Variants in FAP observed in about 807,000 individuals in gnomAD.
FAP encodes the protein fibroblast activation protein alpha, also known as prolyl endopeptidase FAP.
Under a neutral mutation model 126.5 loss-of-function variants are expected in FAP, and 110 were observed. That is an observed-to-expected ratio of 0.87 (90% CI 0.74 to 1.02). FAP has a LOEUF of 1.02. FAP is among the 50% of genes least tolerant of loss of function. The pLI is 0.00. For synonymous variants in FAP, 334 were observed against 297.3 expected (o/e 1.12, Z -1.27); for missense variants, 919 against 909.2 (o/e 1.01, Z -0.14).
At chr2:162,239,947 C>A (rs930227190) in intron 2 of FAP, among the ~76,000 whole-genome samples, 1 of 152,146 alleles carries the variant, frequency 6.6e-6, no homozygotes, top group Non-Finnish European at 1.5e-5. Context: ...GCTTTTGTAA[C>A]CTCTGTTAAA....
At chr2:162,181,438 T>C (rs576496734) in intron 21 of FAP, among the ~76,000 whole-genome samples, 8 of 152,290 alleles carry the variant, frequency 5.3e-5, no homozygotes, top group Admixed American at 4.6e-4. Context: ...TTCCTCAAGA[T>C]ACTTTAGACT....
At chr2:162,203,740 C>T (rs1168308939) in intron 12 of FAP, among the ~76,000 whole-genome samples, 2 of 152,120 alleles carry the variant, frequency 1.3e-5, no homozygotes, top group African/African-American at 4.8e-5. Context: ...CCTCAATGCC[C>T]TGGTTTGACC....
intron 9 of FAP, among the ~76,000 whole-genome samples, chr2:162,217,336 T>A (rs1334988716): frequency 1.3e-5 from 2 of 152,224 alleles, no homozygotes; most frequent in Admixed American, 1.3e-4. Context: ...TTTTCTGATA[T>A]CATTTTTACA....
At chr2:162,225,025 C>T (rs1332797622) in intron 4 of FAP, among the ~76,000 whole-genome samples, 1 of 152,094 alleles carries the variant, frequency 6.6e-6, no homozygotes, top group African/African-American at 2.4e-5. Flanking sequence ...ACTTATTAAG[C>T]ACTTATTCTA....
intron 20 of FAP, among the ~76,000 whole-genome samples, chr2:162,184,508 G>A (rs1404688931): frequency 1.3e-5 from 2 of 152,220 alleles, no homozygotes; most frequent in African/African-American, 2.4e-5. Context: ...CAACATGCAC[G>A]TTTCCGATGC....
At chr2:162,188,841 G>C (rs1687942701) in intron 19 of FAP, among the ~76,000 whole-genome samples, 3 of 151,950 alleles carry the variant, frequency 2.0e-5, no homozygotes, top group Admixed American at 2.0e-4. Context: ...CTATCTCAAA[G>C]GTATTCTGAC....
intron 2 of FAP, among the ~76,000 whole-genome samples, chr2:162,228,097 C>T (rs1689732327): frequency 6.6e-6 from 1 of 152,084 alleles, no homozygotes; most frequent in East Asian, 1.9e-4. Context: ...ATAGCACATC[C>T]CAAGTGTCTA....
In FAP at chr2:162,237,846, C is replaced by T. The variant is rs912776032; in HGVS notation, c.91+5062G>A. ...AAAAGCATTCCTATTTCTCCACATC[C>T]TCTCCAGCATCTGTTGTTTCCTAAC... is the stretch of plus-strand genomic sequence containing the variant. On this transcript the variant is annotated intron_variant, in intron 2 of 25. Coordinates refer to ENST00000188790, the MANE Select transcript of FAP (RefSeq NM_004460.5). Among the ~76,000 whole-genome samples the T allele has an allele frequency of 7.9e-5, 12 of 152,314 alleles. 1 individual carries two copies. Among genetic ancestry groups the T allele is most frequent in the Admixed American group, 5.9e-4 (9 of 15,304 alleles).
At position 162,188,312 on chromosome 2, in the gene FAP, C is replaced by A. The variant is rs748228667; in HGVS notation, c.1671G>T (p.Trp557Cys). Residue 557 changes from tryptophan (W) to cysteine (C), a missense_variant, in exon 20 of 26, where the codon TGG becomes TGT. By Grantham distance (215) the Trp-to-Cys change is radical. Coordinates refer to ENST00000188790, the MANE Select transcript of FAP (RefSeq NM_004460.5). ...CTTCCTTACTTGCAAGATAAGATATCCAATTAACAGCAAATACAGACCTTA... is the reference window on the plus strand; with the variant it reads ...CTTCCTTACTTGCAAGATAAGATATACAATTAACAGCAAATACAGACCTTA... The part of the protein sequence containing the change: ...QSVRSVFAVN[W>C]ISYLASKEGM... 2 of 1,613,216 alleles carry A rather than the reference C, an allele frequency of 1.2e-6. No homozygotes were observed. The highest frequency in any genetic ancestry group is 1.7e-6 in the Non-Finnish European group (2 of 1,179,496).
Position 162,202,918 on chromosome 2 carries a change from C to T in FAP, c.1177G>A (p.Gly393Ser). Residue 393 changes from glycine (G) to serine (S), a missense_variant, in exon 14 of 26, where the codon GGC (glycine) becomes AGC (serine). Gly to Ser is a moderately conservative substitution (Grantham distance 56). Coordinates refer to ENST00000188790, the MANE Select transcript of FAP (RefSeq NM_004460.5). ...TVENAIQITSGKWEAINIFRV... is the reference protein window; with the variant it reads ...TVENAIQITSSKWEAINIFRV... ...AATATATTTATGGCCTCCCACTTGC[C>T]ACTTGTAATTTGAATAGCATTTTCC... 1 of 1,613,784 alleles carries T rather than the reference C, an allele frequency of 6.2e-7. No homozygotes were observed. Among genetic ancestry groups the T allele is most frequent in the Non-Finnish European group, 8.5e-7 (1 of 1,179,742 alleles).
chr2:162,191,920 A>G (rs1239491642), intron 17 of FAP, among the ~76,000 whole-genome samples: 2 of 152,080 alleles, frequency 1.3e-5, no homozygotes, highest in Non-Finnish European at 2.9e-5. Context: ...CTTTCATGCA[A>G]TTCTACCAAC....
intron 25 of FAP, 84 bp downstream of exon 25, chr2:162,172,727 A>T: frequency 3.4e-6 from 3 of 870,754 alleles, no homozygotes; most frequent in Non-Finnish European, 5.6e-6. Flanking sequence ...TTTACTTTAA[A>T]AGTTAAAAAA....
At chr2:162,230,183 T>G (rs1689838910) in intron 2 of FAP, among the ~76,000 whole-genome samples, 1 of 152,196 alleles carries the variant, frequency 6.6e-6, no homozygotes, top group Admixed American at 6.5e-5. Context: ...CTTCTCTTCC[T>G]GCTAAACATG....
chr2:162,180,354 T>C (rs1038828299), intron 21 of FAP, among the ~76,000 whole-genome samples: 1 of 152,042 alleles, frequency 6.6e-6, no homozygotes, highest in Admixed American at 6.6e-5. Context: ...AAGAAGCAAT[T>C]AGAATAAATT....
intron 17 of FAP, 137 bp downstream of exon 17, chr2:162,194,564 A>C (rs1052724899): frequency 1.1e-5 from 8 of 722,446 alleles, no homozygotes; most frequent in Admixed American, 4.4e-5. Flanking sequence ...TCTGTGCAAT[A>C]ATAAGTGATG....
intron 12 of FAP, among the ~76,000 whole-genome samples, chr2:162,203,728 G>T (rs1476880534): frequency 2.6e-5 from 4 of 152,126 alleles, no homozygotes; most frequent in Non-Finnish European, 5.9e-5. Context: ...ACTGCAGACT[G>T]ACCTCAATGC....
chr2:162,178,593 G>A (rs1025143258), intron 21 of FAP, among the ~76,000 whole-genome samples: 1 of 152,184 alleles, frequency 6.6e-6, no homozygotes, highest in Non-Finnish European at 1.5e-5. Flanking sequence ...TGGGCACATA[G>A]TGAATATTTA....
rs114804630 is a variant in FAP at position 162,213,518 on chromosome 2, C to T, written c.1002+420G>A. ...ATTTTTAACATTGAATAGAACATGC[C>T]CCATTTGCATTTCTTCTCTGGTTCT... On this transcript the variant is annotated intron_variant, in intron 11 of 25. Transcript: ENST00000188790. 4.7e-3 allele frequency among the ~76,000 whole-genome samples: 710 copies of T among 150,378 alleles called. 9 individuals carry two copies. The highest frequency in any genetic ancestry group is 0.016 in the African/African-American group (666 of 40,924).
chr2:162,171,707 A>G (rs1007829958), intron 25 of FAP: 1 of 152,144 alleles, frequency 6.6e-6, no homozygotes, highest in African/African-American at 2.4e-5. Flanking sequence ...ATATATATTT[A>G]CTAAGTTGAA....
Sources: allele counts gnomAD v4.1 joint callset (sites outside exome capture counted in the v4.1 genomes callset), GRCh38; gene constraint gnomAD v4.1.1; transcripts MANE v1.5; gene names NCBI Gene and HGNC (gene_info 2026-07-23, HGNC 2026-07-21).